Variants in PLEKHA5 observed in about 807,000 individuals in gnomAD.
PLEKHA5 encodes pleckstrin homology domain containing A5.
A neutral mutation model predicts 181.9 loss-of-function variants in PLEKHA5; 55 were observed. The observed-to-expected ratio is 0.30, with a 90% CI of 0.24 to 0.38. The LOEUF (loss-of-function observed/expected upper bound fraction) is 0.38. PLEKHA5 is among the 10% of genes least tolerant of loss of function. PLEKHA5 has a pLI of 1.00. For synonymous variants in PLEKHA5, 535 were observed against 529.4 expected, an observed-to-expected ratio of 1.01 and a Z score of -0.15; for missense variants, 1,432 against 1,549.5, an observed-to-expected ratio of 0.92 and a Z score of 1.27.
At chr12:19,362,181 A>C (rs571019522) in intron 29 of PLEKHA5, among the ~76,000 whole-genome samples, 3,366 of 150,958 alleles carry the variant, frequency 0.022, 93 homozygotes, top group East Asian at 0.053. Flanking sequence ...AAAAAAAAAA[A>C]AAAAAAAAAA....
chr12:19,207,540 C>T (rs2055877760), intron 3 of PLEKHA5: 1 of 152,058 alleles, frequency 6.6e-6, no homozygotes, highest in Non-Finnish European at 1.5e-5. Flanking sequence ...TGATGAATCT[C>T]AGTAGTGCTT....
chr12:19,130,006 G>C lies in PLEKHA5; in HGVS notation c.90-45G>C. 6.7e-7 allele frequency: 1 copy of C among 1,498,872 alleles called. No individual in the cohort carries two copies. Among genetic ancestry groups the C allele is most frequent in the South Asian group, 1.2e-5 (1 of 82,816 alleles). 92.8% of individuals were successfully genotyped at this position (1,498,872 alleles called of 1,614,324 possible). Reference sequence around the variant, plus strand: ...CTGCAGCCCCTCGGCTCGCCCCCGCGTCCCCTCTCACGCTCCGTGTCTGCC... The same window carrying C: ...CTGCAGCCCCTCGGCTCGCCCCCGCCTCCCCTCTCACGCTCCGTGTCTGCC... On this transcript the variant is annotated intron_variant, in intron 1 of 31. Coordinates refer to ENST00000429027, the MANE Select transcript of PLEKHA5 (RefSeq NM_001256470.2). This position sits in a 1 kb window ranked among gnomAD's most constrained non-coding sequence, Gnocchi z 4.5.
intron 3 of PLEKHA5, among the ~76,000 whole-genome samples, chr12:19,237,302 C>T (rs1359137268): frequency 3.4e-4 from 52 of 152,182 alleles, no homozygotes; most frequent in Non-Finnish European, 2.8e-4. Flanking sequence ...TCCTCTTAGT[C>T]TCTCCTTAAC....
intron 3 of PLEKHA5, among the ~76,000 whole-genome samples, chr12:19,194,886 A>G (rs1208398559): frequency 6.6e-6 from 1 of 152,222 alleles, no homozygotes; most frequent in African/African-American, 2.4e-5. Flanking sequence ...AAACTAATGA[A>G]AAGGGTTTAT....
rs56086557 is a variant in PLEKHA5 at position 19,167,405 on chromosome 12, A to ATTTTTTTTTTTTTTTTTTTTTT, written c.227+34963_227+34984dup. Among the ~76,000 whole-genome samples the ATTTTTTTTTTTTTTTTTTTTTT allele has an allele frequency of 2.5e-4, 23 of 91,230 alleles. 1 individual carries two copies. The highest frequency in any genetic ancestry group is 7.2e-4 in the African/African-American group (16 of 22,102). 59.9% of individuals were successfully genotyped at this position (91,230 alleles called of 152,430 possible). A position where few individuals can be genotyped will look rare whatever the true frequency, so the allele number is the denominator to read the frequency against. On this transcript the variant is annotated intron_variant, in intron 3 of 31. Coordinates refer to ENST00000429027, the MANE Select transcript of PLEKHA5 (RefSeq NM_001256470.2). ...CACTCTGCAAGTCTTCTGAGGCTTA[A>ATTTTTTTTTTTTTTTTTTTTTT]TTTTTTTTTTTTTTTTTTTTTTTTT...
chr12:19,318,274 G>T (rs939540743), intron 16 of PLEKHA5, among the ~76,000 whole-genome samples: 1 of 151,714 alleles, frequency 6.6e-6, no homozygotes, highest in Non-Finnish European at 1.5e-5. Flanking sequence ...AATTTCGGTG[G>T]TACTAAAAGT....
intron 3 of PLEKHA5, among the ~76,000 whole-genome samples, chr12:19,141,845 C>T (rs1026890194): frequency 6.6e-6 from 1 of 152,130 alleles, no homozygotes. Context: ...AATTACTGGC[C>T]ACTTGAAGAG....
chr12:19,197,296 C>T (rs955133180), intron 3 of PLEKHA5, among the ~76,000 whole-genome samples: 4 of 152,184 alleles, frequency 2.6e-5, no homozygotes, highest in African/African-American at 4.8e-5. Context: ...ACCAGTCTCT[C>T]ATACTGTTCT....
chr12:19,170,876 G>A (rs1479336370), intron 3 of PLEKHA5, among the ~76,000 whole-genome samples: 10 of 152,224 alleles, frequency 6.6e-5, no homozygotes, highest in Non-Finnish European at 1.3e-4. Flanking sequence ...GAGGATGACT[G>A]TGCCACAGAC....
chr12:19,346,319 AAG>A (rs986398723), intron 23 of PLEKHA5, among the ~76,000 whole-genome samples: 1 of 152,170 alleles, frequency 6.6e-6, no homozygotes, highest in Non-Finnish European at 1.5e-5. Flanking sequence ...ATAAAAACCA[AAG>A]AGGTAACTTT....
In PLEKHA5 at chr12:19,334,829, AAT is replaced by A. The variant is rs56763101; in HGVS notation, c.2449-1647_2449-1646del. On this transcript the variant is annotated intron_variant, in intron 20 of 31. Transcript: ENST00000429027. ...AAATCCTGTCTTCACAAAAAAAAAA[AAT>A]ATATATATATATATATATATATATA... is the stretch of plus-strand genomic sequence containing the variant. 4.8e-3 allele frequency among the ~76,000 whole-genome samples: 90 copies of A among 18,594 alleles called. 2 individuals carry two copies. Among genetic ancestry groups the A allele is most frequent in the East Asian group, 0.038 (32 of 844 alleles). 12.2% of individuals were successfully genotyped at this position (18,594 alleles called of 152,430 possible).
chr12:19,221,552 GT>G (rs1793024840), intron 3 of PLEKHA5, among the ~76,000 whole-genome samples: 1 of 152,112 alleles, frequency 6.6e-6, no homozygotes, highest in Admixed American at 6.5e-5. Context: ...CTGTAATTAT[GT>G]TCATGCGACA....
intron 3 of PLEKHA5, among the ~76,000 whole-genome samples, chr12:19,169,342 G>A (rs186165756): frequency 1.1e-3 from 173 of 151,732 alleles, no homozygotes; most frequent in Middle Eastern, 6.9e-3. Flanking sequence ...GGTGGCTTCC[G>A]CTGACAGTGA....
At chr12:19,205,429 G>A (rs16915171) in intron 3 of PLEKHA5, 54,549 of 967,338 alleles carry the variant, frequency 0.056, 2,181 homozygotes, top group African/African-American at 0.19. Flanking sequence ...CAGATTTTTA[G>A]CAAAAGGCTA....
intron 11 of PLEKHA5, among the ~76,000 whole-genome samples, chr12:19,277,647 C>T (rs1366920917): frequency 6.6e-6 from 1 of 152,014 alleles, no homozygotes; most frequent in East Asian, 1.9e-4. Context: ...ATATAAACTT[C>T]ATCATAAAAA....
At chr12:19,372,999 C>T (rs2095622435) in intron 31 of PLEKHA5, 1 of 152,178 alleles carries the variant, frequency 6.6e-6, no homozygotes, top group Admixed American at 6.6e-5. Context: ...AACTCCTGAG[C>T]TCAAGCGCTC....
At chr12:19,357,226 G>GCT (rs1409728162) in intron 26 of PLEKHA5, among the ~76,000 whole-genome samples, 1 of 149,472 alleles carries the variant, frequency 6.7e-6, no homozygotes. Flanking sequence ...GGACTGGCTT[G>GCT]CTCCAGAGCT....
intron 3 of PLEKHA5, among the ~76,000 whole-genome samples, chr12:19,247,226 A>G (rs1295890445): frequency 6.6e-6 from 1 of 152,178 alleles, no homozygotes; most frequent in African/African-American, 2.4e-5. Context: ...TTATTTATAT[A>G]AAAGAAACCT....
rs1341382544 is a variant in PLEKHA5, at chr12:19,130,001, C to G, written c.90-50C>G. On this transcript the variant is annotated intron_variant, in intron 1 of 31. Transcript: ENST00000429027. The surrounding 1 kb of genome is among the most constrained non-coding windows in gnomAD (Gnocchi z 4.5). Reference sequence around the variant, plus strand: ...TGCTCCTGCAGCCCCTCGGCTCGCCCCCGCGTCCCCTCTCACGCTCCGTGT... The same window carrying G: ...TGCTCCTGCAGCCCCTCGGCTCGCCGCCGCGTCCCCTCTCACGCTCCGTGT... 5 of 1,492,114 alleles carry G rather than the reference C, an allele frequency of 3.4e-6. No individual in the cohort carries two copies. Among genetic ancestry groups the G allele is most frequent in the Middle Eastern group, 1.7e-4 (1 of 5,728 alleles). The allele number at this position is 1,492,114 out of a possible 1,614,324, so 92.4% of individuals were successfully genotyped here. A position where few individuals can be genotyped will look rare whatever the true frequency, so the allele number is the denominator to read the frequency against.
Sources: allele counts gnomAD v4.1 joint callset (sites outside exome capture counted in the v4.1 genomes callset), GRCh38; gene constraint gnomAD v4.1.1; non-coding constraint Gnocchi (gnomAD v3.1); transcripts MANE v1.5; gene names NCBI Gene and HGNC (gene_info 2026-07-23, HGNC 2026-07-21).